PDE10A: variants seen among roughly 807,000 people sequenced by gnomAD.
PDE10A encodes the protein phosphodiesterase 10A.
Under a neutral mutation model 97.7 loss-of-function variants are expected in PDE10A, and 39 were observed. The observed-to-expected ratio is 0.40, with a 90% CI of 0.31 to 0.52. PDE10A has a LOEUF of 0.52. Ranked by LOEUF, PDE10A falls within the 20% of genes least tolerant of loss-of-function variation. PDE10A has a pLI of 0.56. For missense variants in PDE10A, 731 were observed against 1,047.8 expected, an observed-to-expected ratio of 0.70 and a Z score of 4.17; for synonymous variants, 371 against 376.8, an observed-to-expected ratio of 0.98 and a Z score of 0.18.
rs1411796657 is a variant in PDE10A at position 165,703,005 on chromosome 6, T to C, written c.-614-159437A>G. Among the ~76,000 whole-genome samples the C allele has an allele frequency of 1.3e-5, 2 of 152,298 alleles. 1 individual carries two copies. The highest frequency in any genetic ancestry group is 1.3e-4 in the Admixed American group (2 of 15,298). On this transcript the variant is annotated intron_variant, in intron 1 of 19. Coordinates refer to the PDE10A transcript ENST00000366882. ...AGTCCCCTGTTCTTCCACTTGCCCG[T>C]GCAATTCCATTTTCATAAACACGAT...
intron 1 of PDE10A, among the ~76,000 whole-genome samples, chr6:165,814,912 C>T (rs545925213): frequency 1.3e-5 from 2 of 151,956 alleles, no homozygotes; most frequent in Non-Finnish European, 2.9e-5. Context: ...AATTGACAAA[C>T]CAAATACTGA....
chr6:165,415,785 A>G (rs1438907066), intron 12 of PDE10A, among the ~76,000 whole-genome samples: 1 of 152,210 alleles, frequency 6.6e-6, no homozygotes, highest in African/African-American at 2.4e-5. Context: ...CCGTGCTTCA[A>G]AGCTAGACCT....
intron 1 of PDE10A, among the ~76,000 whole-genome samples, chr6:165,610,385 G>C (rs1787433421): frequency 6.6e-6 from 1 of 152,100 alleles, no homozygotes; most frequent in African/African-American, 2.4e-5. Context: ...CAAAAAACTA[G>C]CTGGGCATGG....
intron 17 of PDE10A, among the ~76,000 whole-genome samples, chr6:165,384,738 C>G (rs1785180120): frequency 6.6e-6 from 1 of 151,480 alleles, no homozygotes; most frequent in Non-Finnish European, 1.5e-5. Context: ...GCTGTTGTCA[C>G]TGTGTTAGCC....
intron 1 of PDE10A, among the ~76,000 whole-genome samples, chr6:165,840,472 T>A (rs1343182134): frequency 6.6e-6 from 1 of 152,190 alleles, no homozygotes; most frequent in Non-Finnish European, 1.5e-5. Context: ...TTGTAGTCAT[T>A]ACCATATAAG....
chr6:165,367,882 G>T (rs578083019), intron 18 of PDE10A, among the ~76,000 whole-genome samples: 1 of 152,178 alleles, frequency 6.6e-6, no homozygotes, highest in African/African-American at 2.4e-5. Context: ...GTTAAAGGAG[G>T]TTATTTGGGC....
chr6:165,482,847 T>C (rs1239818250), intron 2 of PDE10A, among the ~76,000 whole-genome samples: 2 of 152,214 alleles, frequency 1.3e-5, no homozygotes, highest in African/African-American at 4.8e-5. Context: ...ATAGTGCTGC[T>C]TTGTTCCGTG....
chr6:165,459,546 C>T (rs866244583), intron 3 of PDE10A, among the ~76,000 whole-genome samples: 3,711 of 121,800 alleles, frequency 0.03, 166 homozygotes, highest in African/African-American at 0.12. Context: ...GACAGACAGA[C>T]AGACAGACAG....
chr6:165,936,979 G>A (rs1279979987), intron 1 of PDE10A, among the ~76,000 whole-genome samples: 9 of 152,214 alleles, frequency 5.9e-5, no homozygotes, highest in East Asian at 1.9e-4. Context: ...AATGCAGCTT[G>A]TATTGTTGGG....
Position 165,724,659 on chromosome 6 carries a change from A to C in PDE10A, c.-614-181091T>G, listed in dbSNP as rs151258661. ...CTAAGATAGGCTTACAAGAATAACTAATGGAAGTTTACCCAAAGTTTCTCA... is the reference window on the plus strand; with the variant it reads ...CTAAGATAGGCTTACAAGAATAACTCATGGAAGTTTACCCAAAGTTTCTCA... On this transcript the variant is annotated intron_variant, in intron 1 of 19. Coordinates refer to the PDE10A transcript ENST00000366882. Among the ~76,000 whole-genome samples, 7 of 152,350 alleles carry C rather than the reference A, an allele frequency of 4.6e-5. No individual in the cohort carries two copies. The East Asian group carries it at 9.6e-4, about 21-fold the overall frequency.
chr6:165,705,431 T>A (rs1791683177), intron 1 of PDE10A, among the ~76,000 whole-genome samples: 1 of 152,238 alleles, frequency 6.6e-6, no homozygotes, highest in Non-Finnish European at 1.5e-5. Flanking sequence ...TTTTCTAAGA[T>A]ACAGCCTTTA....
At chr6:165,456,899 G>C (rs1300990118) in intron 3 of PDE10A, among the ~76,000 whole-genome samples, 2 of 152,082 alleles carry the variant, frequency 1.3e-5, no homozygotes, top group African/African-American at 2.4e-5. Context: ...AAATATTAAA[G>C]GTCTATCTAC....
At chr6:165,548,866 G>C (rs1162810790) in intron 1 of PDE10A, among the ~76,000 whole-genome samples, 1 of 152,176 alleles carries the variant, frequency 6.6e-6, no homozygotes, top group Non-Finnish European at 1.5e-5. Context: ...TGAAAATAAT[G>C]AGTGGATGCA....
intron 1 of PDE10A, among the ~76,000 whole-genome samples, chr6:165,630,120 G>A (rs1788564380): frequency 6.6e-6 from 1 of 152,084 alleles, no homozygotes; most frequent in South Asian, 2.1e-4. Flanking sequence ...GGCTGAGACG[G>A]GTGAACTGCA....
chr6:165,930,794 C>T (rs995188796), intron 1 of PDE10A, among the ~76,000 whole-genome samples: 8 of 152,200 alleles, frequency 5.3e-5, no homozygotes, highest in African/African-American at 1.9e-4. Context: ...AGGGCCGAGG[C>T]TGTGAGGGCT....
chr6:165,817,545 C>CCTAG (rs1436649215), intron 1 of PDE10A, among the ~76,000 whole-genome samples: 2 of 152,026 alleles, frequency 1.3e-5, no homozygotes, highest in Non-Finnish European at 2.9e-5. Context: ...TACCCCTGAC[C>CCTAG]CTAGGTGTCT....
At chr6:165,822,843 A>ATT (rs1012419470) in intron 1 of PDE10A, among the ~76,000 whole-genome samples, 85 of 148,816 alleles carry the variant, frequency 5.7e-4, no homozygotes, top group African/African-American at 1.9e-3. Flanking sequence ...TAACTTTATA[A>ATT]TTTTTTTTTT....
chr6:165,666,440 G>T (rs1790497630), upstream of PDE10A, among the ~76,000 whole-genome samples: 1 of 152,114 alleles, frequency 6.6e-6, no homozygotes, highest in Non-Finnish European at 1.5e-5. Context: ...TCATAAGCAA[G>T]TGTTTATTGT....
At chr6:165,537,622 C>A (rs1399024465) in intron 2 of PDE10A, among the ~76,000 whole-genome samples, 3 of 151,744 alleles carry the variant, frequency 2.0e-5, no homozygotes. Flanking sequence ...AATGTGAACA[C>A]ACAATTAACA....
Sources: gnomAD v4.1 joint callset for allele counts (sites outside exome capture counted in the v4.1 genomes callset) on GRCh38, gnomAD v4.1.1 for gene constraint, MANE v1.5 for transcripts, NCBI Gene and HGNC (gene_info 2026-07-23, HGNC 2026-07-21) for gene names.